RNF213: variants seen among roughly 807,000 people sequenced by gnomAD.
RNF213 encodes the protein E3 ubiquitin-protein ligase RNF213.
A neutral mutation model predicts 514.4 loss-of-function variants in RNF213; 341 were observed. The ratio of observed to expected loss-of-function variants is 0.66; its 90% CI spans 0.61 to 0.73. RNF213 has a LOEUF of 0.73. RNF213 is among the 30% of genes least tolerant of loss of function. The pLI is 0.00. For missense variants in RNF213, 5,767 were observed against 6,615.6 expected (o/e 0.87, Z 4.45); for synonymous variants, 2,655 against 2,658.2 (o/e 1.00, Z 0.04).
rs1178332005 is a variant in RNF213, at chr17:80,347,650, G to A, written c.9315G>A (p.Leu3105=). The A allele has an allele frequency of 6.2e-7, 1 of 1,614,162 alleles. No homozygotes were observed. The highest frequency in any genetic ancestry group is 8.5e-7 in the Non-Finnish European group (1 of 1,180,036). The change falls in exon 29 of 68, where the codon CTG becomes CTA. Residue 3105 remains leucine (L), a synonymous_variant. Transcript: ENST00000582970. The surrounding 1 kb of genome is among the most constrained non-coding windows in gnomAD (Gnocchi z 7.2). ...ETGKMVLLLN[L]QNLYESLYDA... is the part of the protein sequence containing the mutation. ...GCAAGATGGTGTTGCTTCTCAACCT[G>A]CAGAACCTCTACGAGAGCCTCTACG... is the stretch of plus-strand genomic sequence containing the variant.
Position 80,363,653 on chromosome 17 carries a change from A to G in RNF213, c.11613A>G (p.Thr3871=), listed in dbSNP as rs773703374. The change falls in exon 41 of 68, where the codon ACA becomes ACG. Residue 3871 remains threonine, a synonymous_variant. Transcript: ENST00000582970. The stretch of plus-strand genomic sequence containing the variant: ...CAATGGCCTGCACGGAGATGCTGAC[A>G]AGAAACACCCTGAAGCCCAGTCCCC... ...FAAMACTEML[T]RNTLKPSPQA... 4 of 1,614,072 alleles carry G rather than the reference A, an allele frequency of 2.5e-6. No individual in the cohort carries two copies. The highest frequency in any genetic ancestry group is 1.7e-6 in the Non-Finnish European group (2 of 1,180,008).
In RNF213 at chr17:80,345,416, T is replaced by A. The variant is rs752657780; in HGVS notation, c.7081T>A (p.Phe2361Ile). Residue 2361 changes from phenylalanine to isoleucine, a missense_variant, in exon 29 of 68, where the codon TTC (phenylalanine) becomes ATC (isoleucine). Transcript: ENST00000582970. The surrounding 1 kb of genome is among the most constrained non-coding windows in gnomAD (Gnocchi z 6.0). Reference sequence around the variant, plus strand: ...GGGCCTGCTGCTCCAGAGGGTGCCCTTCAATGTCGACTTTGATAAACTGCC... The same window carrying A: ...GGGCCTGCTGCTCCAGAGGGTGCCCATCAATGTCGACTTTGATAAACTGCC... Reference protein sequence around the residue: ...YQGLLLQRVPFNVDFDKLPRH... With the variant: ...YQGLLLQRVPINVDFDKLPRH... The A allele has an allele frequency of 2.4e-5, 39 of 1,613,716 alleles. No homozygotes were observed. The highest frequency in any genetic ancestry group is 3.2e-5 in the Non-Finnish European group (38 of 1,179,826).
chr17:80,295,478 G>C, intron 9 of RNF213, 79 bp from the exon 10 acceptor site: 2 of 1,567,800 alleles, frequency 1.3e-6, no homozygotes, highest in Non-Finnish European at 1.7e-6. Flanking sequence ...TGCCCTAGCT[G>C]TGGTGCTGGG....
chr17:80,271,975 G>A (rs141977905), intron 2 of RNF213, among the ~76,000 whole-genome samples: 2,822 of 148,750 alleles, frequency 0.019, 52 homozygotes, highest in East Asian at 0.11. Context: ...GCGAGACTCC[G>A]TCTCAAAAAA....
chr17:80,320,025 A>C (rs1267774487), intron 17 of RNF213: 1 of 1,025,466 alleles, frequency 9.8e-7, no homozygotes, highest in Non-Finnish European at 1.2e-6. Context: ...CTCTTTGTTG[A>C]GATATTGTTC....
chr17:80,347,778 T>C lies in RNF213; in HGVS notation c.9443T>C (p.Leu3148Pro). Residue 3148 changes from leucine (L) to proline (P), a missense_variant, in exon 29 of 68, where the codon CTG becomes CCG. Coordinates refer to ENST00000582970, the MANE Select transcript of RNF213 (RefSeq NM_001256071.3). This position sits in a 1 kb window ranked among gnomAD's most constrained non-coding sequence, Gnocchi z 7.2. The part of the protein sequence containing the change: ...VKCRVHPNFR[L>P]IVIEEKDVVY... ...TGTCGGGTTCACCCCAACTTCCGCCTGATTGTCATTGAAGAGAAAGACGTC... is the reference window on the plus strand; with the variant it reads ...TGTCGGGTTCACCCCAACTTCCGCCCGATTGTCATTGAAGAGAAAGACGTC... 1 of 1,614,170 alleles carries C rather than the reference T, an allele frequency of 6.2e-7. No homozygotes were observed.
At chr17:80,307,542 G>GGTTT (rs34105320) in intron 13 of RNF213, among the ~76,000 whole-genome samples, 2 of 146,146 alleles carry the variant, frequency 1.4e-5, no homozygotes, top group Non-Finnish European at 3.0e-5. Context: ...TTTGTGTGTT[G>GGTTT]GTTTGTTTGT....
chr17:80,308,972 T>C, intron 13 of RNF213, 46 bp from the exon 14 acceptor site: 2 of 1,612,076 alleles, frequency 1.2e-6, no homozygotes, highest in Non-Finnish European at 1.7e-6. Flanking sequence ...TTTTCTGGCT[T>C]CTCCTAAATC....
Position 80,353,231 on chromosome 17 carries a change from G to A in RNF213, c.10423+172G>A. 2.1e-6 allele frequency: 2 copies of A among 951,452 alleles called. No homozygotes were observed. Among genetic ancestry groups the A allele is most frequent in the South Asian group, 1.5e-5 (1 of 66,410 alleles). The allele number at this position is 951,452 out of a possible 1,614,324, so 58.9% of individuals were successfully genotyped here. ...TGGTGGCTCATCATAGAGCACCAGGGCCGAGCAGGTGCGCTTACCACAGGC... is the reference window on the plus strand; with the variant it reads ...TGGTGGCTCATCATAGAGCACCAGGACCGAGCAGGTGCGCTTACCACAGGC... On this transcript the variant is annotated intron_variant, in intron 33 of 67. Coordinates refer to ENST00000582970, the MANE Select transcript of RNF213 (RefSeq NM_001256071.3). The surrounding 1 kb of genome is among the most constrained non-coding windows in gnomAD (Gnocchi z 5.0).
rs745364464 is a variant in RNF213 at position 80,351,738 on chromosome 17, T to A, written c.10238T>A (p.Phe3413Tyr). The A allele has an allele frequency of 5.6e-6, 9 of 1,613,330 alleles. No individual in the cohort carries two copies. The highest frequency in any genetic ancestry group is 7.6e-6 in the Non-Finnish European group (9 of 1,179,256). Reference protein sequence around the residue: ...NKIRENEDRIFVYFITKLSRV... With the variant: ...NKIRENEDRIYVYFITKLSRV... ...ATACGAGAAAATGAGGACCGTATCTTCGTCTATTTCATCACAAAACTGTCC... is the reference window on the plus strand; with the variant it reads ...ATACGAGAAAATGAGGACCGTATCTACGTCTATTTCATCACAAAACTGTCC... Residue 3413 changes from phenylalanine to tyrosine, a missense_variant, in exon 32 of 68, where the codon TTC (phenylalanine) becomes TAC (tyrosine). This residue lies in a region of RNF213 where 919 missense variants were observed against 1,121.0 expected (regional missense o/e 0.82). Transcript: ENST00000582970.
chr17:80,276,926 G>A (rs906973520), intron 3 of RNF213, among the ~76,000 whole-genome samples: 8 of 151,858 alleles, frequency 5.3e-5, no homozygotes, highest in South Asian at 2.1e-4. Context: ...GCGTGGTGGC[G>A]TATGCCTGTA....
At position 80,295,699 on chromosome 17, in the gene RNF213, T is replaced by C. The variant is rs376439754; in HGVS notation, c.1898T>C (p.Ile633Thr). The C allele has an allele frequency of 5.0e-6, 8 of 1,613,886 alleles. No individual in the cohort carries two copies. In the African/African-American group the frequency reaches 5.3e-5, roughly 11 times the overall value. The change falls in exon 10 of 68, where the codon ATT becomes ACT. Residue 633 changes from isoleucine to threonine, a missense_variant. Ile to Thr is a moderately conservative substitution (Grantham distance 89). Around this residue, in one of 13 missense-constraint regions of RNF213, gnomAD observed 592 missense variants for 673.9 expected, o/e 0.88. Transcript: ENST00000582970. ...ATTGTCCTTTTTGTAGTGGAAAAAA[T>C]TGAGCTTTTATTAGAAGGCAGCCTG... ...GLIVLFVVEK[I>T]ELLLEGSLDW...
chr17:80,333,080 G>A lies in RNF213; in HGVS notation c.4143+449G>A, dbSNP rs536991140. Among the ~76,000 whole-genome samples the A allele has an allele frequency of 1.3e-3, 197 of 150,588 alleles. 1 individual carries two copies. Among genetic ancestry groups the A allele is most frequent in the African/African-American group, 4.1e-3 (166 of 40,930 alleles). Reference sequence around the variant, plus strand: ...TTTTTTTTTTTTGAGATGGAGTCTCGCTCTGTCGTCCAGGCTGGAGTGCAG... The same window carrying A: ...TTTTTTTTTTTTGAGATGGAGTCTCACTCTGTCGTCCAGGCTGGAGTGCAG... On this transcript the variant is annotated intron_variant, in intron 21 of 67. Transcript: ENST00000582970.
At chr17:80,328,272 G>A (rs2046329670) in intron 19 of RNF213, 56 bp from the exon 20 acceptor site, 2 of 1,495,204 alleles carry the variant, frequency 1.3e-6, no homozygotes, top group African/African-American at 1.4e-5. Context: ...GCATTGCCAT[G>A]GAAAATGGCA....
chr17:80,388,309 GAATA>G (rs2080320230), intron 63 of RNF213, among the ~76,000 whole-genome samples: 1 of 152,228 alleles, frequency 6.6e-6, no homozygotes, highest in African/African-American at 2.4e-5. Flanking sequence ...GTGGCTGAAT[GAATA>G]AATGAATGGG....
Position 80,343,163 on chromosome 17 carries a change from C to G in RNF213, c.6021C>G (p.Asp2007Glu). ...CTCTGTACGTGAAGAGGTTGCACGA[C>G]AAAATGAAGATGCAGTTAAACGTGA... ...GKSLYVKRLH[D>E]KMKMQLNVKN... The change falls in exon 27 of 68, where the codon GAC becomes GAG. Residue 2007 changes from aspartate to glutamate, a missense_variant. Coordinates refer to ENST00000582970, the MANE Select transcript of RNF213 (RefSeq NM_001256071.3). This position sits in a 1 kb window ranked among gnomAD's most constrained non-coding sequence, Gnocchi z 4.3. 6.2e-7 allele frequency: 1 copy of G among 1,613,972 alleles called. No homozygotes were observed. The highest frequency in any genetic ancestry group is 8.5e-7 in the Non-Finnish European group (1 of 1,179,942).
chr17:80,356,130 T>A (rs1357914731), intron 36 of RNF213, among the ~76,000 whole-genome samples: 1 of 152,040 alleles, frequency 6.6e-6, no homozygotes, highest in Non-Finnish European at 1.5e-5. Context: ...GACTCCTGAG[T>A]AGCTGAGACT....
chr17:80,381,145 CCT>C (rs938045091), intron 56 of RNF213, 158 bp downstream of exon 56: 10 of 814,904 alleles, frequency 1.2e-5, no homozygotes, highest in Admixed American at 1.2e-4. Flanking sequence ...CATGTTTCCC[CCT>C]GTGGCGTATG....
chr17:80,397,103 C>G lies in RNF213; in HGVS notation c.*3605C>G, dbSNP rs572171210. The G allele has an allele frequency of 1.3e-5, 2 of 152,684 alleles. No homozygotes were observed. Among genetic ancestry groups the G allele is most frequent in the South Asian group, 2.1e-4 (1 of 4,818 alleles). 9.5% of individuals were successfully genotyped at this position (152,684 alleles called of 1,614,324 possible). On this transcript the variant is annotated 3_prime_UTR_variant, in exon 68 of 68. Coordinates refer to ENST00000582970, the MANE Select transcript of RNF213 (RefSeq NM_001256071.3). ...CAGCCACTTCCTCAGAACCCACGAT[C>G]TTTGCCCCATCGCCACAGGTCCATG...
Sources: gnomAD v4.1 joint callset for allele counts (sites outside exome capture counted in the v4.1 genomes callset) on GRCh38, gnomAD v4.1.1 for gene constraint, gnomAD v4.1.1 regional missense constraint, Gnocchi (gnomAD v3.1) non-coding constraint, MANE v1.5 for transcripts, NCBI Gene and HGNC (gene_info 2026-07-23, HGNC 2026-07-21) for gene names.